The following TNNI3K variants were observed in gnomAD, a reference collection of about 807,000 sequenced individuals.
The protein encoded by TNNI3K is TNNI3 interacting kinase, also known as serine/threonine-protein kinase TNNI3K.
Under a neutral mutation model 114.5 loss-of-function variants are expected in TNNI3K, and 140 were observed. That is an observed-to-expected ratio of 1.22 (90% CI 1.07 to 1.41). TNNI3K has a LOEUF of 1.41. Ranked by LOEUF, TNNI3K falls within the 40% of genes most tolerant of loss-of-function variation. TNNI3K has a pLI of 0.00. For missense variants in TNNI3K, 1,125 were observed against 1,007.6 expected, an observed-to-expected ratio of 1.12 and a Z score of -1.58; for synonymous variants, 347 against 347.5, an observed-to-expected ratio of 1.00 and a Z score of 0.02.
intron 21 of TNNI3K, among the ~76,000 whole-genome samples, chr1:74,486,502 T>C (rs937735103): frequency 9.5e-6 from 1 of 105,682 alleles, no homozygotes; most frequent in Non-Finnish European, 1.8e-5. Flanking sequence ...GTTTTTTGTT[T>C]TTTGCTTTTT....
intron 17 of TNNI3K, among the ~76,000 whole-genome samples, chr1:74,384,230 C>T (rs1197192712): frequency 6.6e-6 from 1 of 152,114 alleles, no homozygotes; most frequent in Non-Finnish European, 1.5e-5. Context: ...TTCTTTTGCT[C>T]AATTAACACG....
rs1188499347 is a variant in TNNI3K, at chr1:74,325,880, G to C, written c.445-5570G>C. On this transcript the variant is annotated intron_variant, in intron 5 of 24. Coordinates refer to ENST00000326637, the MANE Select transcript of TNNI3K (RefSeq NM_015978.3). The stretch of plus-strand genomic sequence containing the variant: ...AATGTCTTTAGGATCATTTTGAATT[G>C]ATAAGTCATCACTTTGGAAAAACAA... Among the ~76,000 whole-genome samples the C allele has an allele frequency of 3.9e-5, 6 of 152,128 alleles. No individual in the cohort carries two copies. The East Asian group carries it at 1.2e-3, about 29-fold the overall frequency.
intron 5 of TNNI3K, among the ~76,000 whole-genome samples, chr1:74,326,479 G>C (rs1557498450): frequency 6.6e-6 from 1 of 152,172 alleles, no homozygotes; most frequent in African/African-American, 2.4e-5. Context: ...TGGAATTTCT[G>C]AGATTTTAAA....
intron 17 of TNNI3K, among the ~76,000 whole-genome samples, chr1:74,384,693 C>T (rs889479075): frequency 1.3e-5 from 2 of 151,926 alleles, no homozygotes; most frequent in Non-Finnish European, 2.9e-5. Context: ...TTTAAATATT[C>T]CTCTGAAAAG....
chr1:74,343,684 T>C (rs1201440590), intron 9 of TNNI3K, among the ~76,000 whole-genome samples: 2 of 152,178 alleles, frequency 1.3e-5, no homozygotes, highest in Non-Finnish European at 2.9e-5. Flanking sequence ...GCCACTCAGA[T>C]ACCTAAGAAA....
chr1:74,386,445 T>C lies in TNNI3K; in HGVS notation c.1772+16053T>C, dbSNP rs45600441. Reference sequence around the variant, plus strand: ...CAGCTAGAATAAGTTTTTCCTTTTATAAAATATCATTTATGAGAAAATGCA... The same window carrying C: ...CAGCTAGAATAAGTTTTTCCTTTTACAAAATATCATTTATGAGAAAATGCA... On this transcript the variant is annotated intron_variant, in intron 17 of 24. Transcript: ENST00000326637. Among the ~76,000 whole-genome samples the C allele has an allele frequency of 4.8e-3, 738 of 152,280 alleles. 9 individuals are homozygous for C. Among genetic ancestry groups the C allele is most frequent in the African/African-American group, 0.017 (704 of 41,550 alleles).
intron 17 of TNNI3K, among the ~76,000 whole-genome samples, chr1:74,391,945 G>A (rs1042283085): frequency 2.1e-5 from 3 of 144,642 alleles, no homozygotes; most frequent in Admixed American, 1.4e-4. Context: ...ATTTAGGATG[G>A]TACAGCTTAT....
At chr1:74,377,286 G>A (rs1662955687) in intron 17 of TNNI3K, 1 of 151,902 alleles carries the variant, frequency 6.6e-6, no homozygotes, top group African/African-American at 2.4e-5. Context: ...TCGTACATTT[G>A]TGTATCGACT....
intron 17 of TNNI3K, among the ~76,000 whole-genome samples, chr1:74,380,545 C>T (rs1357108547): frequency 6.6e-6 from 1 of 152,154 alleles, no homozygotes; most frequent in African/African-American, 2.4e-5. Flanking sequence ...TAAAACCTTT[C>T]AAATGCTTTC....
intron 4 of TNNI3K, 42 bp downstream of exon 4, chr1:74,250,811 G>T: frequency 7.2e-7 from 1 of 1,380,658 alleles, no homozygotes; most frequent in Non-Finnish European, 9.9e-7. Flanking sequence ...TTGGAACTAA[G>T]GATAGTGTGT....
chr1:74,344,023 A>G (rs1660876168), intron 9 of TNNI3K, among the ~76,000 whole-genome samples: 1 of 152,186 alleles, frequency 6.6e-6, no homozygotes, highest in African/African-American at 2.4e-5. Flanking sequence ...TGTAACCTCT[A>G]AAATTGTATT....
chr1:74,298,551 A>C (rs946757622), intron 5 of TNNI3K, among the ~76,000 whole-genome samples: 10 of 152,136 alleles, frequency 6.6e-5, no homozygotes, highest in African/African-American at 2.4e-4. Flanking sequence ...ATTTTGAGCT[A>C]TCATAAATCT....
At chr1:74,453,324 G>T (rs1241257898) in intron 20 of TNNI3K, among the ~76,000 whole-genome samples, 16 of 152,140 alleles carry the variant, frequency 1.1e-4, no homozygotes, top group Non-Finnish European at 4.4e-5. Context: ...ATTTTTCAAA[G>T]TTGGACAGTT....
chr1:74,361,698 A>G (rs1015793754), intron 11 of TNNI3K, among the ~76,000 whole-genome samples: 8 of 152,148 alleles, frequency 5.3e-5, no homozygotes, highest in Non-Finnish European at 1.0e-4. Flanking sequence ...TGCAATGGTG[A>G]ACACAAAATT....
At chr1:74,530,075 C>T (rs1570747500) in intron 23 of TNNI3K, among the ~76,000 whole-genome samples, 3 of 152,298 alleles carry the variant, frequency 2.0e-5, no homozygotes, top group Non-Finnish European at 4.4e-5. Context: ...AGAGATCCTA[C>T]TGCCTTGGCC....
At chr1:74,296,552 G>A (rs967435013) in intron 5 of TNNI3K, among the ~76,000 whole-genome samples, 2 of 151,988 alleles carry the variant, frequency 1.3e-5, no homozygotes, top group African/African-American at 4.8e-5. Context: ...CTGGAGTCAT[G>A]TTGTTCCTGC....
At chr1:74,422,688 T>A (rs1467320195) in intron 17 of TNNI3K, among the ~76,000 whole-genome samples, 1 of 152,126 alleles carries the variant, frequency 6.6e-6, no homozygotes, top group East Asian at 1.9e-4. Flanking sequence ...ATACAGGGTA[T>A]GTGGGTAATC....
intron 4 of TNNI3K, 102 bp from the exon 5 acceptor site, chr1:74,271,496 C>T: frequency 9.4e-7 from 1 of 1,069,454 alleles, no homozygotes; most frequent in Non-Finnish European, 1.3e-6. Context: ...TTCCTTTGAG[C>T]ACCTGAACTG....
chr1:74,432,048 T>G (rs1372274358), intron 17 of TNNI3K, among the ~76,000 whole-genome samples: 1 of 152,078 alleles, frequency 6.6e-6, no homozygotes, highest in Non-Finnish European at 1.5e-5. Flanking sequence ...CTGGAGAGTT[T>G]AAGATGCAAG....
Sources: allele counts gnomAD v4.1 joint callset (sites outside exome capture counted in the v4.1 genomes callset), GRCh38; gene constraint gnomAD v4.1.1; transcripts MANE v1.5; gene names NCBI Gene and HGNC (gene_info 2026-07-23, HGNC 2026-07-21).